BICD1: variants seen among roughly 807,000 people sequenced by gnomAD.
BICD1 encodes protein bicaudal D homolog 1.
In BICD1, 35 loss-of-function variants were observed where a neutral mutation model predicts 92.5. That is an observed-to-expected ratio of 0.38 (90% CI 0.29 to 0.50). The LOEUF is 0.50. Ranked by LOEUF, BICD1 falls within the 20% of genes least tolerant of loss-of-function variation. The probability of loss-of-function intolerance (pLI) is 0.93; values close to 1 mark genes in which losing one functional copy is unlikely to be tolerated. For synonymous variants in BICD1, 429 were observed against 465.1 expected, an observed-to-expected ratio of 0.92 and a Z score of 1.00; for missense variants, 950 against 1,189.8, an observed-to-expected ratio of 0.80 and a Z score of 2.97.
intron 1 of BICD1, among the ~76,000 whole-genome samples, chr12:32,144,569 G>A (rs999171657): frequency 6.6e-6 from 1 of 152,076 alleles, no homozygotes; most frequent in African/African-American, 2.4e-5. Flanking sequence ...CATCATCTGG[G>A]CTAAATGAAG....
intron 2 of BICD1, 64 bp from the exon 3 acceptor site, chr12:32,293,930 C>CT: frequency 2.6e-6 from 4 of 1,513,486 alleles, no homozygotes; most frequent in Non-Finnish European, 2.7e-6. Flanking sequence ...ACTACCAGGA[C>CT]TTTACACCTT....
chr12:32,179,450 G>C (rs1255174523), intron 1 of BICD1, among the ~76,000 whole-genome samples: 1 of 151,808 alleles, frequency 6.6e-6, no homozygotes, highest in African/African-American at 2.4e-5. Flanking sequence ...TCAAAATATT[G>C]ATCCCTTCTT....
At position 32,327,983 on chromosome 12, in the gene BICD1, A is replaced by G. The variant is rs2136261285; in HGVS notation, c.1528A>G (p.Thr510Ala). 1 of 1,614,126 alleles carries G rather than the reference A, an allele frequency of 6.2e-7. No homozygotes were observed. Residue 510 changes from threonine to alanine, a missense_variant, in exon 5 of 10, where the codon ACA (threonine) becomes GCA (alanine). Coordinates refer to ENST00000652176, the MANE Select transcript of BICD1 (RefSeq NM_001714.4). ...TAATACGGCCCAGGATGAGTTAGTG[A>G]CATTCAGTGAGGAGTTAGCTCAGCT... ...TLNTAQDELV[T>A]FSEELAQLYH...
At chr12:32,284,337 T>C (rs561236808) in intron 2 of BICD1, among the ~76,000 whole-genome samples, 146 of 152,344 alleles carry the variant, frequency 9.6e-4, no homozygotes, top group Non-Finnish European at 1.5e-3. Context: ...ACACTACTTA[T>C]AAGTATTTAT....
At position 32,377,328 on chromosome 12, in the gene BICD1, T is replaced by G. The variant is rs533311898; in HGVS notation, c.2841-212T>G. Among the ~76,000 whole-genome samples the G allele has an allele frequency of 2.6e-5, 4 of 152,188 alleles. No homozygotes were observed. The South Asian group carries it at 8.3e-4, about 32-fold the overall frequency. ...AGTGACTTTGAGGGAAGAGTGCATA[T>G]ATCATTTCCTTAATACATTTCATTT... is the stretch of plus-strand genomic sequence containing the variant. On this transcript the variant is annotated intron_variant, in intron 9 of 9. Transcript: ENST00000652176.
At position 32,338,857 on chromosome 12, in the gene BICD1, T is replaced by C; in HGVS notation, c.2642T>C (p.Leu881Ser). The C allele has an allele frequency of 6.2e-7, 1 of 1,605,938 alleles. No homozygotes were observed. Among genetic ancestry groups the C allele is most frequent in the Non-Finnish European group, 8.5e-7 (1 of 1,176,608 alleles). Reference protein sequence around the residue: ...TSGASYLQNLLRVPPDPTSTE... With the variant: ...TSGASYLQNLSRVPPDPTSTE... ...GGGGCTTCCTACCTACAGAATTTATTAAGAGTTCCCCCTGATCCCACCTCC... is the reference window on the plus strand; with the variant it reads ...GGGGCTTCCTACCTACAGAATTTATCAAGAGTTCCCCCTGATCCCACCTCC... The change falls in exon 8 of 10, where the codon TTA (leucine) becomes TCA (serine). Residue 881 changes from leucine to serine, a missense_variant. Physicochemically the swap from Leu to Ser is moderately radical, Grantham distance 145 (BLOSUM62 -2). Coordinates refer to ENST00000652176, the MANE Select transcript of BICD1 (RefSeq NM_001714.4).
At chr12:32,373,471 C>T (rs1403327782) in intron 9 of BICD1, among the ~76,000 whole-genome samples, 2 of 152,086 alleles carry the variant, frequency 1.3e-5, no homozygotes, top group East Asian at 1.9e-4. Context: ...TAAATCATCA[C>T]GAATGATGTA....
chr12:32,219,347 A>G (rs16919495), intron 2 of BICD1, among the ~76,000 whole-genome samples: 9,154 of 152,208 alleles, frequency 0.06, 848 homozygotes, highest in African/African-American at 0.21. Flanking sequence ...TCTTCCATAA[A>G]TAGTAGTTAC....
intron 1 of BICD1, among the ~76,000 whole-genome samples, chr12:32,182,890 CTTT>C (rs34809684): frequency 1.6e-5 from 1 of 63,844 alleles, no homozygotes. Flanking sequence ...TTCTTTCTTT[CTTT>C]TTTTTTTTTT....
Position 32,377,680 on chromosome 12 carries a change from A to G in BICD1, c.*53A>G. The G allele has an allele frequency of 1.4e-6, 2 of 1,459,010 alleles. No homozygotes were observed. Among genetic ancestry groups the G allele is most frequent in the Non-Finnish European group, 9.6e-7 (1 of 1,038,816 alleles). The allele number at this position is 1,459,010 out of a possible 1,614,324, so 90.4% of individuals were successfully genotyped here. ...GGGTGGAAGTTTTGTAGCCACACAC[A>G]GGATACTGCCCAAGATCCAGCGGGT... On this transcript the variant is annotated 3_prime_UTR_variant, in exon 10 of 10. Coordinates refer to ENST00000652176, the MANE Select transcript of BICD1 (RefSeq NM_001714.4).
Position 32,337,391 on chromosome 12 carries a change from A to C in BICD1, c.2253-108A>C. 2 of 962,418 alleles carry C rather than the reference A, an allele frequency of 2.1e-6. No individual in the cohort carries two copies. Among genetic ancestry groups the C allele is most frequent in the South Asian group, 3.4e-5 (2 of 59,192 alleles). The allele number at this position is 962,418 out of a possible 1,614,324, so 59.6% of individuals were successfully genotyped here. A position where few individuals can be genotyped will look rare whatever the true frequency, so the allele number is the denominator to read the frequency against. On this transcript the variant is annotated intron_variant, in intron 6 of 9. Coordinates refer to ENST00000652176, the MANE Select transcript of BICD1 (RefSeq NM_001714.4). This position sits in a 1 kb window ranked among gnomAD's most constrained non-coding sequence, Gnocchi z 4.7. Reference sequence around the variant, plus strand: ...CATTCTATTGCTAGACCTTTAAACCAGTCTTCTAAATTTCTAAATTTCGGT... The same window carrying C: ...CATTCTATTGCTAGACCTTTAAACCCGTCTTCTAAATTTCTAAATTTCGGT...
chr12:32,247,252 A>G (rs1946413203), intron 2 of BICD1, among the ~76,000 whole-genome samples: 3 of 146,076 alleles, frequency 2.1e-5, no homozygotes, highest in Admixed American at 7.0e-5. Context: ...AAAAAAAAAA[A>G]TGCCTATTAG....
In BICD1 at chr12:32,346,571, TATATATATATAC is replaced by T. The variant is rs1565687142; in HGVS notation, c.2764+7593_2764+7604del. The stretch of plus-strand genomic sequence containing the variant: ...ATATATATATATATATATATATATA[TATATATATATAC>T]GTGTATATATATATATATATATATA... On this transcript the variant is annotated intron_variant, in intron 8 of 9. Transcript: ENST00000652176. 5.8e-3 allele frequency among the ~76,000 whole-genome samples: 252 copies of T among 43,734 alleles called. 43 individuals carry two copies. Among genetic ancestry groups the T allele is most frequent in the South Asian group, 0.015 (13 of 884 alleles). The allele number at this position is 43,734 out of a possible 152,430, so 28.7% of individuals were successfully genotyped here.
At chr12:32,116,738 C>T (rs911639460) in intron 1 of BICD1, among the ~76,000 whole-genome samples, 3 of 150,644 alleles carry the variant, frequency 2.0e-5, no homozygotes, top group Admixed American at 1.3e-4. Flanking sequence ...GGTGGCCCAA[C>T]TAATTTTTAG....
intron 4 of BICD1, among the ~76,000 whole-genome samples, chr12:32,318,779 G>GGGAGGC (rs1948572830): frequency 6.6e-6 from 1 of 152,150 alleles, no homozygotes; most frequent in African/African-American, 2.4e-5. Context: ...GCTTGATCCT[G>GGGAGGC]GGAGGCGGAG....
chr12:32,362,026 A>G (rs920917218), intron 8 of BICD1, among the ~76,000 whole-genome samples: 14 of 152,332 alleles, frequency 9.2e-5, no homozygotes, highest in Middle Eastern at 3.4e-3. Flanking sequence ...AACAGCCACC[A>G]GTGGGCTCCT....
chr12:32,159,187 G>A (rs1943529167), intron 1 of BICD1, among the ~76,000 whole-genome samples: 1 of 152,118 alleles, frequency 6.6e-6, no homozygotes, highest in African/African-American at 2.4e-5. Flanking sequence ...ACCCACCTTG[G>A]CCTCCCAAAG....
chr12:32,343,302 G>A (rs775647121), intron 8 of BICD1, among the ~76,000 whole-genome samples: 14 of 151,862 alleles, frequency 9.2e-5, no homozygotes, highest in Non-Finnish European at 1.9e-4. Flanking sequence ...TAACTACCTA[G>A]GCCTATATCC....
At chr12:32,242,543 AT>A (rs1364891093) in intron 2 of BICD1, among the ~76,000 whole-genome samples, 2 of 151,754 alleles carry the variant, frequency 1.3e-5, no homozygotes, top group African/African-American at 4.8e-5. Context: ...AAAAAAAAAA[AT>A]TCACAAAAGA....
Sources: allele counts gnomAD v4.1 joint callset (sites outside exome capture counted in the v4.1 genomes callset), GRCh38; gene constraint gnomAD v4.1.1; non-coding constraint Gnocchi (gnomAD v3.1); transcripts MANE v1.5; gene names NCBI Gene and HGNC (gene_info 2026-07-23, HGNC 2026-07-21).